Variants in VWF observed in about 807,000 individuals in gnomAD.
The protein encoded by VWF is Factor VIII related antigen.
A neutral mutation model predicts 308.6 loss-of-function variants in VWF; 176 were observed. That is an observed-to-expected ratio of 0.57 (90% CI 0.50 to 0.65). The LOEUF (loss-of-function observed/expected upper bound fraction) is 0.65, where lower values mean the gene tolerates loss of function less well. Among genes scored for constraint, VWF ranks in the 30% least tolerant of loss-of-function variants. The pLI is 0.00. For missense variants in VWF, 3,146 were observed against 3,648.2 expected (o/e 0.86, Z 3.55); for synonymous variants, 1,385 against 1,443.4 (o/e 0.96, Z 0.92).
intron 34 of VWF, among the ~76,000 whole-genome samples, chr12:5,998,231 G>A (rs2136389877): frequency 6.6e-6 from 1 of 151,368 alleles, no homozygotes; most frequent in Non-Finnish European, 1.5e-5. Context: ...GGGCACAGTG[G>A]CTCATACCTG....
At position 6,095,500 on chromosome 12, in the gene VWF, G is replaced by A; in HGVS notation, c.617C>T (p.Pro206Leu). Residue 206 changes from proline (P) to leucine (L), a missense_variant, in exon 6 of 52, where the codon CCC (proline) becomes CTC (leucine). This residue lies in a region of VWF where 1,304 missense variants were observed against 1,353.0 expected (regional missense o/e 0.96). Transcript: ENST00000261405. ...GEQWCERASPPSSSCNISSGE... is the reference protein window; with the variant it reads ...GEQWCERASPLSSSCNISSGE... The stretch of plus-strand genomic sequence containing the variant: ...AGAGGAGATGTTGCATGAGCTGCTG[G>A]GAGGAGATGCCCGTTCACACCACTG... 6.2e-7 allele frequency: 1 copy of A among 1,614,138 alleles called. No homozygotes were observed. Among genetic ancestry groups the A allele is most frequent in the Non-Finnish European group, 8.5e-7 (1 of 1,180,016 alleles).
intron 3 of VWF, among the ~76,000 whole-genome samples, chr12:6,116,853 G>T (rs1945372641): frequency 6.6e-6 from 1 of 152,218 alleles, no homozygotes; most frequent in South Asian, 2.1e-4. Context: ...GAGGAATGTG[G>T]ATGTGCGATT....
chr12:5,999,105 C>T (rs1303274075), intron 34 of VWF, among the ~76,000 whole-genome samples: 2 of 152,146 alleles, frequency 1.3e-5, no homozygotes, highest in Admixed American at 1.3e-4. Flanking sequence ...ATCCCTCATC[C>T]TCTAACTGTT....
chr12:6,068,874 G>A (rs1403717101), intron 10 of VWF, among the ~76,000 whole-genome samples: 3 of 137,298 alleles, frequency 2.2e-5, no homozygotes, highest in African/African-American at 8.3e-5. Flanking sequence ...GTGTATGTGT[G>A]TGTGATAGGA....
intron 47 of VWF, among the ~76,000 whole-genome samples, chr12:5,966,742 A>G (rs1943409379): frequency 6.6e-6 from 1 of 152,216 alleles, no homozygotes; most frequent in African/African-American, 2.4e-5. Context: ...CATCTAGCTC[A>G]CAAGAGACTC....
At chr12:5,952,348 T>TA (rs1339731424) in intron 49 of VWF, 43 bp downstream of exon 49, 4 of 1,612,496 alleles carry the variant, frequency 2.5e-6, no homozygotes, top group South Asian at 1.1e-5. Flanking sequence ...ATCTTGTTCT[T>TA]AGAGATTGAG....
At chr12:6,092,614 T>TGAGTGA (rs71064187) in intron 6 of VWF, among the ~76,000 whole-genome samples, 5,688 of 85,948 alleles carry the variant, frequency 0.066, 312 homozygotes, top group South Asian at 0.079. Context: ...AGTGAGTGAG[T>TGAGTGA]GAGAGTGTGT....
intron 42 of VWF, among the ~76,000 whole-genome samples, chr12:5,980,793 G>T (rs760700714): frequency 1.4e-4 from 21 of 152,206 alleles, no homozygotes; most frequent in Admixed American, 3.3e-4. Flanking sequence ...AAGGAGAGAT[G>T]ACTGCAGCTT....
intron 38 of VWF, among the ~76,000 whole-genome samples, chr12:5,987,280 TAATA>T (rs1943690045): frequency 6.6e-6 from 1 of 152,244 alleles, no homozygotes; most frequent in South Asian, 2.1e-4. Flanking sequence ...AGGTAACTAA[TAATA>T]AATATGTTCA....
At chr12:6,105,880 CA>C (rs534133042) in intron 5 of VWF, among the ~76,000 whole-genome samples, 193 of 139,096 alleles carry the variant, frequency 1.4e-3, no homozygotes, top group Admixed American at 1.4e-3. Context: ...ACTAAAAATA[CA>C]AAAAAAAAAA....
At chr12:6,017,388 T>A (rs968112316) in intron 28 of VWF, among the ~76,000 whole-genome samples, 1 of 152,238 alleles carries the variant, frequency 6.6e-6, no homozygotes, top group African/African-American at 2.4e-5. Context: ...ATGATGTAAT[T>A]GTTGTTTTCC....
intron 42 of VWF, among the ~76,000 whole-genome samples, chr12:5,980,661 C>T (rs1008407672): frequency 6.6e-6 from 1 of 152,220 alleles, no homozygotes; most frequent in African/African-American, 2.4e-5. Context: ...GCCTCCTAGA[C>T]TTGTTCCCGC....
rs777608246 is a variant in VWF, at chr12:6,044,287, T to C, written c.2442+4A>G. 4.0e-5 allele frequency: 65 copies of C among 1,613,938 alleles called. No individual in the cohort carries two copies. Among genetic ancestry groups the C allele is most frequent in the Non-Finnish European group, 5.3e-5 (62 of 1,179,994 alleles). The stretch of plus-strand genomic sequence containing the variant: ...AGGCACCAGCTCTGTGCCTGGTGAC[T>C]CACCATGCCCGGGGGGCAGAGGCAG... On this transcript the variant is annotated splice_donor_region_variant and intron_variant, in intron 18 of 51. Transcript: ENST00000261405.
chr12:6,014,501 G>A (rs561093311), intron 31 of VWF, among the ~76,000 whole-genome samples: 27 of 152,264 alleles, frequency 1.8e-4, no homozygotes, highest in South Asian at 1.7e-3. Context: ...TGTGACTCTC[G>A]AAGTATTTTG....
In VWF at chr12:6,063,743, C is replaced by T. The variant is rs538633168; in HGVS notation, c.1432+503G>A. The stretch of plus-strand genomic sequence containing the variant: ...CATGCAAAAGCAGGTTTGCTTTGAC[C>T]GGCACAGTGCAACCCAGGTGAAGAT... On this transcript the variant is annotated intron_variant, in intron 12 of 51. Coordinates refer to ENST00000261405, the MANE Select transcript of VWF (RefSeq NM_000552.5). The surrounding 1 kb of genome is among the most constrained non-coding windows in gnomAD (Gnocchi z 4.9). Among the ~76,000 whole-genome samples the T allele has an allele frequency of 2.0e-5, 3 of 152,206 alleles. No homozygotes were observed. Among genetic ancestry groups the T allele is most frequent in the African/African-American group, 4.8e-5 (2 of 41,510 alleles).
At chr12:5,986,313 T>C (rs1943680117) in intron 38 of VWF, among the ~76,000 whole-genome samples, 1 of 152,200 alleles carries the variant, frequency 6.6e-6, no homozygotes, top group Non-Finnish European at 1.5e-5. Flanking sequence ...CAAGCCTGCC[T>C]TGCAGGACTG....
chr12:6,040,447 G>GT (rs1164889421), intron 18 of VWF, among the ~76,000 whole-genome samples: 1 of 152,106 alleles, frequency 6.6e-6, no homozygotes, highest in Non-Finnish European at 1.5e-5. Flanking sequence ...CGAACTTACT[G>GT]TAATAGTTAG....
chr12:6,045,646 C>A (rs1168154017), intron 17 of VWF, among the ~76,000 whole-genome samples: 4 of 152,306 alleles, frequency 2.6e-5, no homozygotes, highest in African/African-American at 9.6e-5. Context: ...CAGTCGGTCA[C>A]GCCAGGAGCC....
chr12:6,091,780 G>A (rs909701287), intron 6 of VWF, among the ~76,000 whole-genome samples: 8 of 152,206 alleles, frequency 5.3e-5, no homozygotes, highest in Non-Finnish European at 8.8e-5. Flanking sequence ...AAACACAAGG[G>A]CCCACTGGTA....
Sources: gnomAD v4.1 joint callset for allele counts (sites outside exome capture counted in the v4.1 genomes callset) on GRCh38, gnomAD v4.1.1 for gene constraint, gnomAD v4.1.1 regional missense constraint, Gnocchi (gnomAD v3.1) non-coding constraint, MANE v1.5 for transcripts, NCBI Gene and HGNC (gene_info 2026-07-23, HGNC 2026-07-21) for gene names.